Variants in FLT4 observed in about 807,000 individuals in gnomAD.
The protein encoded by FLT4 is vascular endothelial growth factor receptor 3.
A neutral mutation model predicts 163.2 loss-of-function variants in FLT4; 30 were observed. The ratio of observed to expected loss-of-function variants is 0.18; its 90% confidence interval spans 0.14 to 0.25. The LOEUF is 0.25. Among genes scored for constraint, FLT4 ranks in the 10% least tolerant of loss-of-function variants. The probability of loss-of-function intolerance (pLI) is 1.00; values close to 1 mark genes in which losing one functional copy is unlikely to be tolerated. For synonymous variants in FLT4, 884 were observed against 789.5 expected (o/e 1.12, Z -2.01); for missense variants, 1,510 against 1,863.8 (o/e 0.81, Z 3.50).
Position 180,613,100 on chromosome 5 carries a change from C to T in FLT4, c.3342G>A (p.Pro1114=), listed in dbSNP as rs765151819. 3 of 1,612,890 alleles carry T rather than the reference C, an allele frequency of 1.9e-6. No individual in the cohort carries two copies. Among genetic ancestry groups the T allele is most frequent in the African/African-American group, 1.3e-5 (1 of 75,018 alleles). ...LWEIFSLGAS[P]YPGVQINEEF... is the part of the protein sequence containing the mutation. ...CCTCATTGATCTGCACCCCAGGGTA[C>T]GGGGAGGCCCCTGACAACAGGAAGG... is the stretch of plus-strand genomic sequence containing the variant. Residue 1114 remains proline (P), a synonymous_variant, in exon 25 of 30, where the codon CCG becomes CCA. Transcript: ENST00000261937.
rs1762182467 is a variant in FLT4 at position 180,611,420 on chromosome 5, G to A, written c.3597C>T (p.Phe1199=). The A allele has an allele frequency of 6.2e-7, 1 of 1,613,926 alleles. No homozygotes were observed. The highest frequency in any genetic ancestry group is 1.1e-5 in the South Asian group (1 of 91,084). ...RSSQSSEEGS[F]SQVSTMALHI... is the part of the protein sequence containing the mutation. ...GTAGGGCCATGGTGGACACCTGCGA[G>A]AAGCTGCCCTCTTCTGAGCTCTGAG... The change falls in exon 27 of 30, where the codon TTC becomes TTT. Residue 1199 remains phenylalanine (F), a synonymous_variant. Transcript: ENST00000261937.
At chr5:180,624,303 C>T (rs1199054739) in intron 10 of FLT4, among the ~76,000 whole-genome samples, 1 of 151,666 alleles carries the variant, frequency 6.6e-6, no homozygotes, top group African/African-American at 2.4e-5. Context: ...CTCAGCTCAC[C>T]GAAACCTCCG....
At position 180,621,753 on chromosome 5, in the gene FLT4, C is replaced by A. The variant is rs751254630; in HGVS notation, c.1809G>T (p.Gly603=). The A allele has an allele frequency of 6.2e-7, 1 of 1,613,056 alleles. No homozygotes were observed. Among genetic ancestry groups the A allele is most frequent in the Non-Finnish European group, 8.5e-7 (1 of 1,179,984 alleles). The change falls in exon 13 of 30, where the codon GGG becomes GGT. Residue 603 remains glycine, a synonymous_variant. Coordinates refer to ENST00000261937, the MANE Select transcript of FLT4 (RefSeq NM_182925.5). ...TCTTGCAGTCGAGCAGAAGCGGGTTCCCGTGCGCATCGTGCAGCGTGGACA... is the reference window on the plus strand; with the variant it reads ...TCTTGCAGTCGAGCAGAAGCGGGTTACCGTGCGCATCGTGCAGCGTGGACA... The part of the protein sequence containing the change: ...LNLSTLHDAH[G]NPLLLDCKNV...
intron 26 of FLT4, chr5:180,611,780 G>T: frequency 2.0e-6 from 1 of 501,792 alleles, no homozygotes; most frequent in Non-Finnish European, 3.7e-6. Context: ...AGACAGATAA[G>T]GGGTCAAGGT....
chr5:180,645,255 C>T (rs528597062), intron 1 of FLT4, among the ~76,000 whole-genome samples: 17 of 152,328 alleles, frequency 1.1e-4, no homozygotes, highest in Admixed American at 9.8e-4. Flanking sequence ...CTGCGGGGAG[C>T]GTGGGCTGCC....
rs1764168425 is a variant in FLT4, at chr5:180,631,598, C to T, written c.155+84G>A. On this transcript the variant is annotated intron_variant, in intron 2 of 29. Coordinates refer to ENST00000261937, the MANE Select transcript of FLT4 (RefSeq NM_182925.5). The stretch of plus-strand genomic sequence containing the variant: ...GCCCTGACTCTGCCCTGGGAGGGGG[C>T]TGCCATCTGGGCCCACAGCCACCAC... 9 of 1,108,440 alleles carry T rather than the reference C, an allele frequency of 8.1e-6. No homozygotes were observed. In the South Asian group the frequency reaches 9.9e-5, roughly 12 times the overall value. 68.7% of individuals were successfully genotyped at this position (1,108,440 alleles called of 1,614,324 possible).
Position 180,620,810 on chromosome 5 carries a change from G to C in FLT4, c.2299+66C>G. ...CTTCTGGTGGCCACGACTTGCCCAA[G>C]GTGGCCACAAGAAAGCGTTAACTGG... On this transcript the variant is annotated intron_variant, in intron 15 of 29. Coordinates refer to ENST00000261937, the MANE Select transcript of FLT4 (RefSeq NM_182925.5). The surrounding 1 kb of genome is among the most constrained non-coding windows in gnomAD (Gnocchi z 4.4). 6.2e-7 allele frequency: 1 copy of C among 1,606,952 alleles called. No homozygotes were observed. Among genetic ancestry groups the C allele is most frequent in the Non-Finnish European group, 8.5e-7 (1 of 1,176,438 alleles).
intron 1 of FLT4, among the ~76,000 whole-genome samples, chr5:180,648,663 C>G (rs568331845): frequency 6.6e-6 from 1 of 152,284 alleles, no homozygotes; most frequent in South Asian, 2.1e-4. Context: ...CCGCTCATCC[C>G]CCACAGTCCC....
chr5:180,641,665 G>A (rs536535418), intron 1 of FLT4, among the ~76,000 whole-genome samples: 19 of 152,306 alleles, frequency 1.2e-4, no homozygotes, highest in Non-Finnish European at 1.8e-4. Context: ...GTCCTGTCTG[G>A]TGGCCCCTGC....
At chr5:180,640,620 C>T (rs1012533155) in intron 1 of FLT4, among the ~76,000 whole-genome samples, 2 of 152,248 alleles carry the variant, frequency 1.3e-5, no homozygotes, top group Admixed American at 6.5e-5. Flanking sequence ...CTAATGATGC[C>T]GTTTTTTTCA....
chr5:180,615,251 T>C, intron 23 of FLT4, among the ~76,000 whole-genome samples: 1 of 95,348 alleles, frequency 1.0e-5, no homozygotes, highest in African/African-American at 3.9e-5. Flanking sequence ...GCTGGTCAAC[T>C]CCCATCTCCA....
intron 1 of FLT4, among the ~76,000 whole-genome samples, chr5:180,645,658 C>CG (rs1374136661): frequency 6.6e-6 from 1 of 152,140 alleles, no homozygotes; most frequent in Non-Finnish European, 1.5e-5. Context: ...CAGACAGGGC[C>CG]GGGGGTGTGC....
chr5:180,616,540 A>G, intron 22 of FLT4, 51 bp from the exon 23 acceptor site: 1 of 1,606,820 alleles, frequency 6.2e-7, no homozygotes, highest in South Asian at 1.1e-5. Flanking sequence ...CCCCTGGGGT[A>G]ATACCCACAC....
chr5:180,630,410 T>C lies in FLT4; in HGVS notation c.401-73A>G. 1.3e-6 allele frequency: 2 copies of C among 1,551,480 alleles called. No individual in the cohort carries two copies. The highest frequency in any genetic ancestry group is 1.8e-6 in the Non-Finnish European group (2 of 1,137,178). On this transcript the variant is annotated intron_variant, in intron 3 of 29. Coordinates refer to ENST00000261937, the MANE Select transcript of FLT4 (RefSeq NM_182925.5). The surrounding 1 kb of genome is among the most constrained non-coding windows in gnomAD (Gnocchi z 6.3). ...TGGGGGAGGGCTCCACGGGGCTGGG[T>C]GGTGCTGGTCCTGAACCAGCCACCC...
chr5:180,609,127 A>G (rs1019001828), intron 28 of FLT4, 74 bp from the exon 29 acceptor site: 2 of 1,275,868 alleles, frequency 1.6e-6, no homozygotes, highest in Non-Finnish European at 2.3e-6. Flanking sequence ...CCCAGCCAGG[A>G]AAGTGCGGCA....
At chr5:180,611,534 C>T in intron 26 of FLT4, 55 bp from the exon 27 acceptor site, 1 of 1,594,568 alleles carries the variant, frequency 6.3e-7, no homozygotes, top group African/African-American at 1.3e-5. Context: ...CTGCCCTCAG[C>T]CCTCGCCCCC....
At chr5:180,634,694 C>CA (rs1214794098) in intron 1 of FLT4, among the ~76,000 whole-genome samples, 42 of 36,396 alleles carry the variant, frequency 1.2e-3, no homozygotes, top group Non-Finnish European at 1.2e-3. Context: ...GACTCCGTCT[C>CA]AAAAAAAAAA....
chr5:180,648,535 C>T (rs1054460558), intron 1 of FLT4, among the ~76,000 whole-genome samples: 3 of 152,192 alleles, frequency 2.0e-5, no homozygotes, highest in African/African-American at 7.2e-5. Flanking sequence ...GCTTCAGACA[C>T]TGGAACCCCT....
chr5:180,612,658 C>A lies in FLT4; in HGVS notation c.3432-47G>T, dbSNP rs1319875215. 2.8e-6 allele frequency: 4 copies of A among 1,429,982 alleles called. No individual in the cohort carries two copies. The Admixed American group carries it at 5.0e-5, about 18-fold the overall frequency. The allele number at this position is 1,429,982 out of a possible 1,614,324, so 88.6% of individuals were successfully genotyped here. A position where few individuals can be genotyped will look rare whatever the true frequency, so the allele number is the denominator to read the frequency against. ...TGGACTGCATGCACCCCACCCCCGT[C>A]CCAGGACCTTCAGTGCCCCAGCCTT... On this transcript the variant is annotated intron_variant, in intron 25 of 29. Coordinates refer to ENST00000261937, the MANE Select transcript of FLT4 (RefSeq NM_182925.5).
Sources: gnomAD v4.1 joint callset for allele counts (sites outside exome capture counted in the v4.1 genomes callset) on GRCh38, gnomAD v4.1.1 for gene constraint, Gnocchi (gnomAD v3.1) non-coding constraint, MANE v1.5 for transcripts, NCBI Gene and HGNC (gene_info 2026-07-23, HGNC 2026-07-21) for gene names.